Variants in LRP2 observed in about 807,000 individuals in gnomAD.
The protein encoded by LRP2 is LDL receptor related protein 2.
In LRP2, 172 loss-of-function variants were observed where a neutral mutation model predicts 531.0. That is an observed-to-expected ratio of 0.32 (90% CI 0.29 to 0.37). The LOEUF is 0.37. Among genes scored for constraint, LRP2 ranks in the 10% least tolerant of loss-of-function variants. The pLI is 1.00. For synonymous variants in LRP2, 1,992 were observed against 2,027.6 expected (o/e 0.98, Z 0.47); for missense variants, 5,167 against 5,868.3 (o/e 0.88, Z 3.90).
chr2:169,171,402 T>C (rs537202084), intron 58 of LRP2, among the ~76,000 whole-genome samples: 44 of 152,298 alleles, frequency 2.9e-4, no homozygotes, highest in African/African-American at 6.5e-4. Context: ...ACCATCTAAT[T>C]TGATATGATC....
At chr2:169,147,129 C>G (rs998238239) in intron 68 of LRP2, among the ~76,000 whole-genome samples, 170 bp from the exon 69 acceptor site, 1 of 152,142 alleles carries the variant, frequency 6.6e-6, no homozygotes. Flanking sequence ...AATAGGGGCG[C>G]AAGAGCACAT....
At chr2:169,269,861 C>G (rs1334365143) in intron 16 of LRP2, among the ~76,000 whole-genome samples, 3 of 152,158 alleles carry the variant, frequency 2.0e-5, no homozygotes, top group Non-Finnish European at 4.4e-5. Context: ...ACCCATCTTA[C>G]AAAGGGCTAA....
At position 169,279,578 on chromosome 2, in the gene LRP2, A is replaced by C. The variant is rs755025641; in HGVS notation, c.1359T>G (p.Ile453Met). 2 of 1,612,298 alleles carry C rather than the reference A, an allele frequency of 1.2e-6. No individual in the cohort carries two copies. Among genetic ancestry groups the C allele is most frequent in the African/African-American group, 1.3e-5 (1 of 75,004 alleles). ...TVQNKVFSVD[I>M]NGLNIQEVLN... ...GAACCTCTTGGATATTTAAACCATT[A>C]ATGTCAACTGAAAAAACCTGAAAGA... Residue 453 changes from isoleucine (I) to methionine (M), a missense_variant, in exon 12 of 79, where the codon ATT becomes ATG. Coordinates refer to ENST00000649046, the MANE Select transcript of LRP2 (RefSeq NM_004525.3).
chr2:169,162,209 C>T (rs1267659354), intron 63 of LRP2, among the ~76,000 whole-genome samples: 1 of 152,220 alleles, frequency 6.6e-6, no homozygotes, highest in Non-Finnish European at 1.5e-5. Context: ...TTCGTTTAAC[C>T]TCTAAGTTCG....
intron 16 of LRP2, among the ~76,000 whole-genome samples, chr2:169,269,127 A>T (rs1231899242): frequency 3.3e-5 from 5 of 152,112 alleles, no homozygotes; most frequent in Admixed American, 1.3e-4. Context: ...TGGAAGAACA[A>T]TCCATGCTCA....
At chr2:169,156,487 CACCAGCAAT>C in intron 64 of LRP2, 82 bp from the exon 65 acceptor site, 2 of 1,527,630 alleles carry the variant, frequency 1.3e-6, no homozygotes, top group Non-Finnish European at 1.8e-6. Context: ...AACCCATATT[CACCAGCAAT>C]GAGGACCGAG....
At chr2:169,315,910 G>T (rs1328376034) in intron 3 of LRP2, among the ~76,000 whole-genome samples, 1 of 144,118 alleles carries the variant, frequency 6.9e-6, no homozygotes, top group Non-Finnish European at 1.5e-5. Flanking sequence ...ATCACTTCAG[G>T]CCAGGAGTTG....
Position 169,182,217 on chromosome 2 carries a change from G to A in LRP2, c.9948C>T (p.Asn3316=). Residue 3316 remains asparagine (N), a synonymous_variant, in exon 51 of 79, where the codon AAC becomes AAT. Transcript: ENST00000649046. ...CTCTGGGATTATCAAAGCAGAAGGTGTTGTTGGCATCCACACAGTGCTGGG... is the reference window on the plus strand; with the variant it reads ...CTCTGGGATTATCAAAGCAGAAGGTATTGTTGGCATCCACACAGTGCTGGG... The part of the protein sequence containing the change: ...MLAQHCVDAN[N]TFCFDNPRGL... 1 of 1,614,186 alleles carries A rather than the reference G, an allele frequency of 6.2e-7. No individual in the cohort carries two copies. The highest frequency in any genetic ancestry group is 8.5e-7 in the Non-Finnish European group (1 of 1,180,006).
chr2:169,180,047 G>A (rs1687371396), intron 52 of LRP2, among the ~76,000 whole-genome samples: 1 of 152,098 alleles, frequency 6.6e-6, no homozygotes, highest in Non-Finnish European at 1.5e-5. Flanking sequence ...ACAGAATATT[G>A]TGTAACTAGA....
At chr2:169,142,394 T>C (rs1685753993) in intron 71 of LRP2, among the ~76,000 whole-genome samples, 1 of 152,140 alleles carries the variant, frequency 6.6e-6, no homozygotes, top group Non-Finnish European at 1.5e-5. Flanking sequence ...AAACTCACTC[T>C]TCAAAATGTC....
intron 63 of LRP2, among the ~76,000 whole-genome samples, chr2:169,159,494 A>C (rs1686493836): frequency 6.6e-6 from 1 of 152,206 alleles, no homozygotes; most frequent in Non-Finnish European, 1.5e-5. Context: ...TGAAAGTCTT[A>C]TAATAAAGAT....
intron 62 of LRP2, among the ~76,000 whole-genome samples, chr2:169,163,229 T>G (rs1686653786): frequency 6.6e-6 from 1 of 152,146 alleles, no homozygotes; most frequent in African/African-American, 2.4e-5. Context: ...CTGTCAATCA[T>G]GGAGCGAGGT....
chr2:169,216,493 A>C, intron 34 of LRP2, 63 bp from the exon 35 acceptor site: 1 of 1,514,572 alleles, frequency 6.6e-7, no homozygotes, highest in Non-Finnish European at 9.2e-7. Flanking sequence ...CAGTGACATA[A>C]ATGACAATGT....
At chr2:169,227,739 T>C (rs962444142) in intron 31 of LRP2, among the ~76,000 whole-genome samples, 2 of 152,220 alleles carry the variant, frequency 1.3e-5, no homozygotes, top group African/African-American at 4.8e-5. Flanking sequence ...TCATTTCTAT[T>C]ACTGAGAAAT....
rs548783641 is a variant in LRP2 at position 169,228,245 on chromosome 2, C to T, written c.5228-1657G>A. ...TTTTTCATCACTACACTGCAAATACCGCAGGCCAGGTACTATTTCTTGAGT... is the reference window on the plus strand; with the variant it reads ...TTTTTCATCACTACACTGCAAATACTGCAGGCCAGGTACTATTTCTTGAGT... On this transcript the variant is annotated intron_variant, in intron 31 of 78. Transcript: ENST00000649046. 9.3e-5 allele frequency among the ~76,000 whole-genome samples: 14 copies of T among 151,334 alleles called. No individual in the cohort carries two copies. The East Asian group carries it at 1.4e-3, about 15-fold the overall frequency.
chr2:169,277,736 A>G lies in LRP2; in HGVS notation c.1772+9T>C. Reference sequence around the variant, plus strand: ...TATAAAGCCATAAGCCATAAAAAATACTTCTTACCTTTGAATTCCATCATA... The same window carrying G: ...TATAAAGCCATAAGCCATAAAAAATGCTTCTTACCTTTGAATTCCATCATA... On this transcript the variant is annotated intron_variant, in intron 13 of 78. Transcript: ENST00000649046. The G allele has an allele frequency of 6.2e-7, 1 of 1,612,964 alleles. No homozygotes were observed. The highest frequency in any genetic ancestry group is 8.5e-7 in the Non-Finnish European group (1 of 1,178,952).
intron 76 of LRP2, among the ~76,000 whole-genome samples, chr2:169,135,459 G>A (rs935909089): frequency 6.6e-6 from 1 of 152,110 alleles, no homozygotes. Flanking sequence ...TAATTCCTCG[G>A]TTTGGCCTTC....
At chr2:169,139,109 A>C in intron 74 of LRP2, 142 bp downstream of exon 74, 1 of 1,228,010 alleles carries the variant, frequency 8.1e-7, no homozygotes, top group Non-Finnish European at 1.2e-6. Context: ...ACTGCTTTAC[A>C]TCCTCACTAC....
intron 65 of LRP2, among the ~76,000 whole-genome samples, chr2:169,155,832 C>CGA (rs1374985836): frequency 6.6e-6 from 1 of 152,122 alleles, no homozygotes; most frequent in Non-Finnish European, 1.5e-5. Flanking sequence ...CCCCAATTCA[C>CGA]GAGCCCTCTT....
Sources: allele counts gnomAD v4.1 joint callset (sites outside exome capture counted in the v4.1 genomes callset), GRCh38; gene constraint gnomAD v4.1.1; transcripts MANE v1.5; gene names NCBI Gene and HGNC (gene_info 2026-07-23, HGNC 2026-07-21).